The following ZNF791 variants were observed in gnomAD, a reference collection of about 807,000 sequenced individuals.
ZNF791 encodes the protein zinc finger protein 791.
In ZNF791, 4 loss-of-function variants were observed where a neutral mutation model predicts 11.5. That is an observed-to-expected ratio of 0.35 (90% confidence interval 0.17 to 0.80). The LOEUF (loss-of-function observed/expected upper bound fraction) is 0.80. Among genes scored for constraint, ZNF791 ranks in the 30% least tolerant of loss-of-function variants. ZNF791 has a pLI of 0.53. For synonymous variants in ZNF791, 212 were observed against 228.1 expected, an observed-to-expected ratio of 0.93 and a Z score of 0.64; for missense variants, 559 against 699.4, an observed-to-expected ratio of 0.80 and a Z score of 2.26.
At position 12,629,084 on chromosome 19, in the gene ZNF791, A is replaced by G. The variant is rs1405603251; in HGVS notation, c.1555A>G (p.Thr519Ala). 7 of 1,608,620 alleles carry G rather than the reference A, an allele frequency of 4.4e-6. No individual in the cohort carries two copies. The Admixed American group carries it at 1.0e-4, about 23-fold the overall frequency. Residue 519 changes from threonine to alanine, a missense_variant, in exon 4 of 4, where the codon ACT becomes GCT. By Grantham distance (58) the Thr-to-Ala change is moderately conservative. Coordinates refer to ENST00000343325, the MANE Select transcript of ZNF791 (RefSeq NM_153358.3). Reference protein sequence around the residue: ...TSFQGHMRMHTGEKPYKCKEC... With the variant: ...TSFQGHMRMHAGEKPYKCKEC... ...CTTTCAAGGACACATGAGAATGCAT[A>G]CTGGAGAGAAACCCTATAAATGTAA... is the stretch of plus-strand genomic sequence containing the variant.
intron 3 of ZNF791, 120 bp downstream of exon 3, chr19:12,624,830 A>G (rs948706204): frequency 3.4e-6 from 2 of 592,206 alleles, no homozygotes; most frequent in African/African-American, 1.9e-5. Flanking sequence ...TGGGTGGATC[A>G]TGAGGTCAGG....
Position 12,622,362 on chromosome 19 carries a change from TA to T in ZNF791, c.4-1330del, listed in dbSNP as rs777973482. Among the ~76,000 whole-genome samples, 214 of 71,756 alleles carry T rather than the reference TA, an allele frequency of 3.0e-3. 2 individuals carry two copies. In the East Asian group the frequency reaches 0.068, roughly 23 times the overall value. The allele number at this position is 71,756 out of a possible 152,430, so 47.1% of individuals were successfully genotyped here. On this transcript the variant is annotated intron_variant, in intron 1 of 3. Transcript: ENST00000343325. ...AAGAATTATCAATAAAAAAATAAATTAAAAAAAATAATAAATAAAAAAAATA... is the reference window on the plus strand; with the variant it reads ...AAGAATTATCAATAAAAAAATAAATTAAAAAAATAATAAATAAAAAAAATA...
intron 1 of ZNF791, 41 bp downstream of exon 1, chr19:12,611,123 C>T (rs377119551): frequency 1.2e-5 from 19 of 1,612,206 alleles, no homozygotes; most frequent in Non-Finnish European, 1.5e-5. Context: ...CGGCCGTGAT[C>T]GCGGGACCCG....
At chr19:12,622,428 A>AAC (rs1309448278) in intron 1 of ZNF791, among the ~76,000 whole-genome samples, 2 of 146,826 alleles carry the variant, frequency 1.4e-5, no homozygotes, top group Non-Finnish European at 3.0e-5. Flanking sequence ...AAAAAAAAAA[A>AAC]AAAACCTCCA....
rs758192716 is a variant in ZNF791, at chr19:12,628,394, G to C, written c.865G>C (p.Val289Leu). 6.2e-7 allele frequency: 1 copy of C among 1,607,168 alleles called. No homozygotes were observed. The highest frequency in any genetic ancestry group is 2.2e-5 in the East Asian group (1 of 44,754). ...ATTCATTTTTCCCAGTTTTTTACGA[G>C]TACATGAAAGAATTCACACTGGAGA... ...KAFIFPSFLR[V>L]HERIHTGEKP... The change falls in exon 4 of 4, where the codon GTA (valine) becomes CTA (leucine). Residue 289 changes from valine (V) to leucine (L), a missense_variant. Physicochemically the swap from Val to Leu is conservative, Grantham distance 32. Transcript: ENST00000343325.
Position 12,628,512 on chromosome 19 carries a change from A to G in ZNF791, c.983A>G (p.Tyr328Cys). The G allele has an allele frequency of 6.2e-7, 1 of 1,610,176 alleles. No homozygotes were observed. Among genetic ancestry groups the G allele is most frequent in the Non-Finnish European group, 8.5e-7 (1 of 1,178,466 alleles). Residue 328 changes from tyrosine (Y) to cysteine (C), a missense_variant, in exon 4 of 4, where the codon TAT becomes TGT. Tyr to Cys is a radical substitution (Grantham distance 194, BLOSUM62 -2). Coordinates refer to ENST00000343325, the MANE Select transcript of ZNF791 (RefSeq NM_153358.3). ...HERIHTGEKP[Y>C]KCKECGKSFS... Reference sequence around the variant, plus strand: ...AGAATTCATACTGGAGAGAAGCCCTATAAATGTAAAGAATGTGGGAAATCT... The same window carrying G: ...AGAATTCATACTGGAGAGAAGCCCTGTAAATGTAAAGAATGTGGGAAATCT...
chr19:12,632,226 G>GCT lies in ZNF791; in HGVS notation c.*2966_*2967insCT, dbSNP rs2023510538. On this transcript the variant is annotated 3_prime_UTR_variant, in exon 4 of 4. Coordinates refer to ENST00000343325, the MANE Select transcript of ZNF791 (RefSeq NM_153358.3). ...GATTCGACCGCCTCAGCCTCCCAAA[G>GCT]TGCTGGGATTACAAGCTTGAGCCAC... The GCT allele has an allele frequency of 2.0e-5, 3 of 151,916 alleles. No individual in the cohort carries two copies. Among genetic ancestry groups the GCT allele is most frequent in the African/African-American group, 7.2e-5 (3 of 41,458 alleles). The allele number at this position is 151,916 out of a possible 1,614,324, so 9.4% of individuals were successfully genotyped here.
Position 12,629,563 on chromosome 19 carries a change from C to T in ZNF791, c.*303C>T, listed in dbSNP as rs951399123. The T allele has an allele frequency of 1.1e-4, 22 of 193,152 alleles. No homozygotes were observed. The highest frequency in any genetic ancestry group is 1.8e-4 in the South Asian group (1 of 5,704). 12.0% of individuals were successfully genotyped at this position (193,152 alleles called of 1,614,324 possible). ...TAAGTGTTTATGGTGCTGGTGTAAA[C>T]GTGCTGCACTTTCAGTTGTATAAAA... On this transcript the variant is annotated 3_prime_UTR_variant, in exon 4 of 4. Coordinates refer to ENST00000343325, the MANE Select transcript of ZNF791 (RefSeq NM_153358.3).
intron 1 of ZNF791, among the ~76,000 whole-genome samples, chr19:12,613,826 T>C (rs1218034878): frequency 6.6e-6 from 1 of 152,014 alleles, no homozygotes; most frequent in East Asian, 1.9e-4. Flanking sequence ...TGCAGAGCAC[T>C]TGGAAGCTGA....
intron 1 of ZNF791, among the ~76,000 whole-genome samples, chr19:12,622,407 C>CAAA (rs1410283346): frequency 3.6e-5 from 1 of 28,014 alleles, no homozygotes; most frequent in African/African-American, 1.3e-4. Context: ...AAGACTGTCT[C>CAAA]AAACAAAAAA....
chr19:12,619,228 G>A (rs116810195), intron 1 of ZNF791, among the ~76,000 whole-genome samples: 42 of 151,902 alleles, frequency 2.8e-4, no homozygotes, highest in African/African-American at 9.9e-4. Context: ...ACTTTTTCAC[G>A]GTTTTGTTTT....
At chr19:12,614,677 C>T (rs1277801316) in intron 1 of ZNF791, among the ~76,000 whole-genome samples, 1 of 151,670 alleles carries the variant, frequency 6.6e-6, no homozygotes. Context: ...TCACCGCAAC[C>T]TCCGCTTCCC....
chr19:12,621,825 C>T (rs2023353678), intron 1 of ZNF791, among the ~76,000 whole-genome samples: 1 of 140,348 alleles, frequency 7.1e-6, no homozygotes, highest in Non-Finnish European at 1.6e-5. Flanking sequence ...AGGGGCGCCT[C>T]TGCCCGGCCA....
chr19:12,613,662 G>C (rs2023196198), intron 1 of ZNF791, among the ~76,000 whole-genome samples: 1 of 152,074 alleles, frequency 6.6e-6, no homozygotes, highest in South Asian at 2.1e-4. Flanking sequence ...GGGAGCAGAG[G>C]CCTGAGATAA....
Position 12,629,314 on chromosome 19 carries a change from T to C in ZNF791, c.*54T>C, listed in dbSNP as rs1250713893. The C allele has an allele frequency of 1.5e-6, 2 of 1,362,008 alleles. No individual in the cohort carries two copies. Among genetic ancestry groups the C allele is most frequent in the African/African-American group, 2.9e-5 (2 of 68,294 alleles). The allele number at this position is 1,362,008 out of a possible 1,614,324, so 84.4% of individuals were successfully genotyped here. ...AAGTTTTCAATTCTAACAGATGCTT[T>C]CAAAGTTGTGAAAATTCCCACTGAA... is the stretch of plus-strand genomic sequence containing the variant. On this transcript the variant is annotated 3_prime_UTR_variant, in exon 4 of 4. Coordinates refer to ENST00000343325, the MANE Select transcript of ZNF791 (RefSeq NM_153358.3).
rs573397973 is a variant in ZNF791, at chr19:12,623,872, G to C, written c.130+46G>C. On this transcript the variant is annotated intron_variant, in intron 2 of 3. Coordinates refer to ENST00000343325, the MANE Select transcript of ZNF791 (RefSeq NM_153358.3). ...TCTTTTTTCTTTTTTTTTTTTTTTG[G>C]GGGGGGACAGAGTTTCACTATTGTC... is the stretch of plus-strand genomic sequence containing the variant. The C allele has an allele frequency of 2.1e-5, 21 of 1,004,002 alleles. 4 individuals are homozygous for C. Among genetic ancestry groups the C allele is most frequent in the Non-Finnish European group, 2.8e-5 (20 of 701,874 alleles). The allele number at this position is 1,004,002 out of a possible 1,614,324, so 62.2% of individuals were successfully genotyped here.
Position 12,628,547 on chromosome 19 carries a change from C to T in ZNF791, c.1018C>T (p.Arg340Cys), listed in dbSNP as rs1448887733. ...CKECGKSFSA[R>C]PAFRVHVRVH... ...AGAATGTGGGAAATCTTTCAGTGCACGCCCAGCCTTTCGAGTACACGTGAG... is the reference window on the plus strand; with the variant it reads ...AGAATGTGGGAAATCTTTCAGTGCATGCCCAGCCTTTCGAGTACACGTGAG... The change falls in exon 4 of 4, where the codon CGC becomes TGC. Residue 340 changes from arginine to cysteine, a missense_variant. By Grantham distance (180) the Arg-to-Cys change is radical. Transcript: ENST00000343325. 16 of 1,602,224 alleles carry T rather than the reference C, an allele frequency of 1.0e-5. No individual in the cohort carries two copies. Among genetic ancestry groups the T allele is most frequent in the Middle Eastern group, 1.7e-4 (1 of 5,992 alleles).
intron 3 of ZNF791, among the ~76,000 whole-genome samples, chr19:12,627,348 C>T (rs183973608): frequency 1.1e-3 from 164 of 152,236 alleles, no homozygotes; most frequent in African/African-American, 3.1e-3. Context: ...GTTCTGCTGC[C>T]GGGTGCGGTG....
Position 12,614,892 on chromosome 19 carries a change from C to CTTTTTTTTTTTTTTTTTTTTTT in ZNF791, c.3+3824_3+3845dup, listed in dbSNP as rs57575424. ...ACAGGTGTGAGCCACTGCGTCCGGC[C>CTTTTTTTTTTTTTTTTTTTTTT]TTTTTTTTTTTTTTTTTTTTTTTTT... On this transcript the variant is annotated intron_variant, in intron 1 of 3. Transcript: ENST00000343325. 5.7e-4 allele frequency among the ~76,000 whole-genome samples: 10 copies of CTTTTTTTTTTTTTTTTTTTTTT among 17,566 alleles called. 2 individuals carry two copies. The highest frequency in any genetic ancestry group is 1.2e-3 in the East Asian group (1 of 826). 11.5% of individuals were successfully genotyped at this position (17,566 alleles called of 152,430 possible).
Sources: allele counts gnomAD v4.1 joint callset (sites outside exome capture counted in the v4.1 genomes callset), GRCh38; gene constraint gnomAD v4.1.1; transcripts MANE v1.5; gene names NCBI Gene and HGNC (gene_info 2026-07-23, HGNC 2026-07-21).